The following DGKB variants were observed in gnomAD, a reference collection of about 807,000 sequenced individuals.
DGKB encodes 90 kDa diacylglycerol kinase.
A neutral mutation model predicts 114.3 loss-of-function variants in DGKB; 67 were observed. The observed-to-expected ratio is 0.59, with a 90% CI of 0.48 to 0.72. DGKB has a LOEUF of 0.72. Ranked by LOEUF, DGKB falls within the 30% of genes least tolerant of loss-of-function variation. DGKB has a pLI of 0.00. For missense variants in DGKB, 907 were observed against 975.2 expected, an observed-to-expected ratio of 0.93 and a Z score of 0.93; for synonymous variants, 398 against 323.1, an observed-to-expected ratio of 1.23 and a Z score of -2.49.
At chr7:14,700,248 C>T (rs1486422319) in intron 7 of DGKB, among the ~76,000 whole-genome samples, 4 of 142,926 alleles carry the variant, frequency 2.8e-5, no homozygotes, top group Non-Finnish European at 4.5e-5. Context: ...GAGTCTTGCT[C>T]TCTCGCCCAG....
intron 1 of DGKB, among the ~76,000 whole-genome samples, chr7:14,893,559 T>C (rs1781635335): frequency 6.6e-6 from 1 of 151,336 alleles, no homozygotes; most frequent in Non-Finnish European, 1.5e-5. Context: ...TCATTCCCCA[T>C]CTATGCCACC....
chr7:14,545,856 CT>C (rs544287975), intron 20 of DGKB, among the ~76,000 whole-genome samples: 96 of 152,314 alleles, frequency 6.3e-4, no homozygotes, highest in African/African-American at 2.2e-3. Flanking sequence ...AAGTAGACCA[CT>C]TTTATCACCT....
chr7:14,957,908 C>T (rs1786604062), intron 1 of DGKB, among the ~76,000 whole-genome samples: 1 of 151,896 alleles, frequency 6.6e-6, no homozygotes, highest in Non-Finnish European at 1.5e-5. Flanking sequence ...ACTCTCGTAG[C>T]ACTATAAAAT....
At chr7:14,753,026 A>G (rs1388254242) in intron 4 of DGKB, among the ~76,000 whole-genome samples, 1 of 152,176 alleles carries the variant, frequency 6.6e-6, no homozygotes, top group Non-Finnish European at 1.5e-5. Flanking sequence ...ATGAGTTGCC[A>G]TGTTACCAAT....
At chr7:14,469,233 T>A (rs898013201) in intron 21 of DGKB, among the ~76,000 whole-genome samples, 34 of 152,070 alleles carry the variant, frequency 2.2e-4, no homozygotes, top group Non-Finnish European at 4.0e-4. Context: ...TTTCTTCATT[T>A]ATCTTAGATT....
intron 2 of DGKB, among the ~76,000 whole-genome samples, chr7:14,805,282 T>C (rs1285796779): frequency 2.6e-5 from 4 of 152,142 alleles, no homozygotes; most frequent in African/African-American, 9.7e-5. Flanking sequence ...ATATGCCATC[T>C]ACACATTGCA....
At chr7:14,382,945 T>C (rs1015347655) in intron 21 of DGKB, among the ~76,000 whole-genome samples, 1 of 152,134 alleles carries the variant, frequency 6.6e-6, no homozygotes, top group Non-Finnish European at 1.5e-5. Flanking sequence ...AAGAAAAGGA[T>C]AAAAATATGA....
chr7:14,680,201 G>A (rs375802695), intron 12 of DGKB, among the ~76,000 whole-genome samples: 15 of 151,844 alleles, frequency 9.9e-5, no homozygotes, highest in East Asian at 9.7e-4. Context: ...TTCCTAAATA[G>A]AGCTTTGAGA....
chr7:14,708,928 C>G (rs1259860069), intron 6 of DGKB, among the ~76,000 whole-genome samples: 2 of 151,396 alleles, frequency 1.3e-5, no homozygotes, highest in South Asian at 2.1e-4. Flanking sequence ...GTCCAAAACA[C>G]CAAAAGCAAT....
intron 1 of DGKB, among the ~76,000 whole-genome samples, chr7:14,966,514 TG>T (rs1787160776): frequency 6.6e-6 from 1 of 151,952 alleles, no homozygotes; most frequent in Admixed American, 6.6e-5. Flanking sequence ...TCGCCCAGGC[TG>T]CTGGTCTCGA....
At chr7:14,169,590 T>C (rs111568332) in intron 25 of DGKB, among the ~76,000 whole-genome samples, 11 of 151,970 alleles carry the variant, frequency 7.2e-5, no homozygotes, top group Non-Finnish European at 1.2e-4. Flanking sequence ...CTTGGGAGAA[T>C]AATTTAATGT....
At chr7:14,493,953 C>T (rs1784946982) in intron 20 of DGKB, among the ~76,000 whole-genome samples, 1 of 151,390 alleles carries the variant, frequency 6.6e-6, no homozygotes, top group South Asian at 2.1e-4. Context: ...CACACACACA[C>T]ACACACACAT....
chr7:14,431,275 C>A (rs1056870790), intron 21 of DGKB, among the ~76,000 whole-genome samples: 2 of 152,110 alleles, frequency 1.3e-5, no homozygotes, highest in Admixed American at 6.6e-5. Context: ...ACTTTTAACA[C>A]CTTTTAGGGT....
chr7:14,942,833 T>A (rs1785643891), intron 1 of DGKB, among the ~76,000 whole-genome samples: 1 of 152,236 alleles, frequency 6.6e-6, no homozygotes, highest in Non-Finnish European at 1.5e-5. Context: ...AAATACCTTT[T>A]GCATTTCACT....
chr7:14,313,547 TC>T (rs1805826212), intron 23 of DGKB, among the ~76,000 whole-genome samples: 2 of 152,082 alleles, frequency 1.3e-5, no homozygotes, highest in South Asian at 4.1e-4. Context: ...ATCGGGTCAC[TC>T]CCACCCGAAT....
At chr7:14,527,129 C>T (rs1392728896) in intron 20 of DGKB, among the ~76,000 whole-genome samples, 5 of 152,002 alleles carry the variant, frequency 3.3e-5, no homozygotes, top group Non-Finnish European at 7.4e-5. Context: ...ATAGTTAGTC[C>T]AGTTGGGTCA....
At chr7:14,508,361 GT>G (rs1787433368) in intron 20 of DGKB, among the ~76,000 whole-genome samples, 1 of 152,138 alleles carries the variant, frequency 6.6e-6, no homozygotes, top group Non-Finnish European at 1.5e-5. Context: ...AAAATGAATA[GT>G]ACCTGATTTG....
chr7:14,634,481 TACACACACACAC>T (rs34758174), intron 13 of DGKB, among the ~76,000 whole-genome samples: 10 of 145,152 alleles, frequency 6.9e-5, no homozygotes, highest in African/African-American at 2.0e-4. Flanking sequence ...TACAAAGTGA[TACACACACACAC>T]ACACACACAC....
rs775663323 is a variant in DGKB at position 14,173,006 on chromosome 7, C to T, written c.2304+3833G>A. ...TGGCCTAAAGACAGCTCTTCTAAGACAATTTTCAATATATACTCTCTTCTA... is the reference window on the plus strand; with the variant it reads ...TGGCCTAAAGACAGCTCTTCTAAGATAATTTTCAATATATACTCTCTTCTA... On this transcript the variant is annotated intron_variant, in intron 25 of 25. Coordinates refer to ENST00000402815, the MANE Select transcript of DGKB (RefSeq NM_001350709.2). Among the ~76,000 whole-genome samples the T allele has an allele frequency of 3.3e-5, 5 of 152,050 alleles. No individual in the cohort carries two copies. In the East Asian group the frequency reaches 5.8e-4, roughly 18 times the overall value.
Sources: gnomAD v4.1 joint callset for allele counts (sites outside exome capture counted in the v4.1 genomes callset) on GRCh38, gnomAD v4.1.1 for gene constraint, MANE v1.5 for transcripts, NCBI Gene and HGNC (gene_info 2026-07-23, HGNC 2026-07-21) for gene names.